Variants in FARS2 observed in about 807,000 individuals in gnomAD.
FARS2 encodes the protein phenylalanyl-tRNA synthetase 2, mitochondrial.
Under a neutral mutation model 46.4 loss-of-function variants are expected in FARS2, and 40 were observed. The ratio of observed to expected loss-of-function variants is 0.86; its 90% CI spans 0.67 to 1.12. The LOEUF (loss-of-function observed/expected upper bound fraction) is 1.12, where lower values mean the gene tolerates loss of function less well. Among genes scored for constraint, FARS2 ranks in the 50% most tolerant of loss-of-function variants. The pLI is 0.00. For synonymous variants in FARS2, 234 were observed against 214.9 expected, an observed-to-expected ratio of 1.09 and a Z score of -0.78; for missense variants, 513 against 567.9, an observed-to-expected ratio of 0.90 and a Z score of 0.98.
chr6:5,399,136 A>ATTT (rs1761088586), intron 2 of FARS2, among the ~76,000 whole-genome samples: 1 of 77,572 alleles, frequency 1.3e-5, no homozygotes, highest in African/African-American at 5.4e-5. Flanking sequence ...TTTTATTATT[A>ATTT]TTATTATTAT....
At chr6:5,466,562 T>C (rs780624621) in intron 4 of FARS2, 84 of 985,332 alleles carry the variant, frequency 8.5e-5, no homozygotes, top group Middle Eastern at 1.0e-3. Flanking sequence ...TCCCTAGGCT[T>C]GTTTCAGTTT....
intron 1 of FARS2, among the ~76,000 whole-genome samples, chr6:5,308,129 CTT>C (rs56667354): frequency 6.6e-6 from 1 of 151,208 alleles, no homozygotes; most frequent in African/African-American, 2.4e-5. Flanking sequence ...TTCTTCCTCT[CTT>C]TTTTTTTGAG....
At chr6:5,431,851 T>C (rs1469228381) in intron 4 of FARS2, 2 of 327,004 alleles carry the variant, frequency 6.1e-6, no homozygotes, top group Non-Finnish European at 1.3e-5. Flanking sequence ...ACTATCTGAA[T>C]TGAGTAATTT....
chr6:5,367,985 T>G (rs1010235126), intron 1 of FARS2, among the ~76,000 whole-genome samples: 2 of 152,182 alleles, frequency 1.3e-5, no homozygotes, highest in African/African-American at 4.8e-5. Flanking sequence ...CACTTTGTGA[T>G]CTAGTGAAGT....
intron 6 of FARS2, among the ~76,000 whole-genome samples, chr6:5,742,241 G>A (rs765524371): frequency 7.2e-4 from 110 of 152,302 alleles, no homozygotes; most frequent in Non-Finnish European, 1.3e-3. Flanking sequence ...TTGGGGTGCA[G>A]CTTTCACCCT....
At chr6:5,468,384 G>A (rs1422451370) in intron 4 of FARS2, among the ~76,000 whole-genome samples, 1 of 151,262 alleles carries the variant, frequency 6.6e-6, no homozygotes, top group Non-Finnish European at 1.5e-5. Context: ...AAAAAAGTTA[G>A]CCATATAATG....
At chr6:5,339,934 G>GT (rs1279296293) in intron 1 of FARS2, among the ~76,000 whole-genome samples, 3 of 152,224 alleles carry the variant, frequency 2.0e-5, no homozygotes, top group Admixed American at 6.5e-5. Context: ...GAGAGCTTAA[G>GT]TTTCGTTTAT....
intron 1 of FARS2, among the ~76,000 whole-genome samples, chr6:5,351,292 T>G (rs1757557621): frequency 6.6e-6 from 1 of 152,196 alleles, no homozygotes; most frequent in Non-Finnish European, 1.5e-5. Flanking sequence ...CATGAATACT[T>G]GCTTTTACTT....
At position 5,771,392 on chromosome 6, in the gene FARS2, C is replaced by CTGCA; in HGVS notation, c.1320_1323dup (p.Val442CysfsTer57). 3.7e-6 allele frequency: 6 copies of CTGCA among 1,614,248 alleles called. No homozygotes were observed. Among genetic ancestry groups the CTGCA allele is most frequent in the Non-Finnish European group, 5.1e-6 (6 of 1,180,030 alleles). On this transcript the variant is annotated frameshift_variant, in exon 7 of 7. Coordinates refer to ENST00000274680, the MANE Select transcript of FARS2 (RefSeq NM_006567.5). LOFTEE classifies it high-confidence loss of function. Reference sequence around the variant, plus strand: ...CACATCCACCAGGCCTTGCAGGAGGCTGCAGTCCAGCTGTTGGGTGTGGAG... The same window carrying CTGCA: ...CACATCCACCAGGCCTTGCAGGAGGCTGCATGCAGTCCAGCTGTTGGGTGTGGAG...
At chr6:5,552,691 T>C (rs1462531782) in intron 5 of FARS2, among the ~76,000 whole-genome samples, 1 of 152,236 alleles carries the variant, frequency 6.6e-6, no homozygotes, top group Non-Finnish European at 1.5e-5. Context: ...TTGATTTTCA[T>C]TTTACATATT....
At chr6:5,314,735 G>T (rs1245694200) in intron 1 of FARS2, among the ~76,000 whole-genome samples, 1 of 152,190 alleles carries the variant, frequency 6.6e-6, no homozygotes. Context: ...TCGATATGGG[G>T]TTACCACTGG....
intron 1 of FARS2, among the ~76,000 whole-genome samples, chr6:5,337,815 A>G (rs1771267536): frequency 1.3e-5 from 2 of 152,132 alleles, no homozygotes; most frequent in African/African-American, 4.8e-5. Flanking sequence ...AAATCCTATA[A>G]ATTTTAGAAA....
At chr6:5,620,935 C>CT (rs1775740835) in intron 6 of FARS2, among the ~76,000 whole-genome samples, 1 of 152,252 alleles carries the variant, frequency 6.6e-6, no homozygotes, top group African/African-American at 2.4e-5. Flanking sequence ...TTTATTTTCT[C>CT]TTTCACCTGA....
intron 1 of FARS2, among the ~76,000 whole-genome samples, chr6:5,327,327 A>C (rs2552301): frequency 9.9e-5 from 15 of 152,116 alleles, no homozygotes; most frequent in Non-Finnish European, 1.9e-4. Context: ...AGGCTATACT[A>C]TAGATTTTGG....
At chr6:5,530,263 G>C (rs1361052117) in intron 4 of FARS2, among the ~76,000 whole-genome samples, 1 of 152,136 alleles carries the variant, frequency 6.6e-6, no homozygotes, top group East Asian at 1.9e-4. Flanking sequence ...ACCTCACATT[G>C]AGGAACATTT....
At chr6:5,432,391 TTA>T (rs1343029280) in intron 4 of FARS2, among the ~76,000 whole-genome samples, 1 of 126,984 alleles carries the variant, frequency 7.9e-6, no homozygotes, top group South Asian at 2.3e-4. Context: ...ATATTATACA[TTA>T]TATATATTAT....
intron 4 of FARS2, among the ~76,000 whole-genome samples, chr6:5,500,988 G>C (rs1009602041): frequency 2.0e-5 from 3 of 150,754 alleles, no homozygotes; most frequent in Non-Finnish European, 4.4e-5. Flanking sequence ...GTCTGGTCTT[G>C]TTCTTGTTTT....
At chr6:5,726,021 G>A (rs1355591544) in intron 6 of FARS2, among the ~76,000 whole-genome samples, 1 of 152,244 alleles carries the variant, frequency 6.6e-6, no homozygotes, top group South Asian at 2.1e-4. Context: ...GGAGGTGGAT[G>A]AATTTGGGTC....
At chr6:5,260,598 T>TGCCCCGGCCCCGGGGCCCCCCCCCCC, upstream of FARS2, 1 of 1,105,570 alleles carries the variant, frequency 9.0e-7, no homozygotes, top group Non-Finnish European at 1.3e-6. Context: ...GCACCCCCGG[T>TGCCCCGGCCCCGGGGCCCCCCCCCCC]CCCCGGCCCC....
Sources: allele counts gnomAD v4.1 joint callset (sites outside exome capture counted in the v4.1 genomes callset), GRCh38; gene constraint gnomAD v4.1.1; transcripts MANE v1.5; gene names NCBI Gene and HGNC (gene_info 2026-07-23, HGNC 2026-07-21).